BUB1B: variants seen among roughly 807,000 people sequenced by gnomAD.
The protein encoded by BUB1B is mitotic checkpoint serine/threonine-protein kinase BUB1 beta.
In BUB1B, 86 loss-of-function variants were observed where a neutral mutation model predicts 137.7. The observed-to-expected ratio is 0.62, with a 90% CI of 0.52 to 0.75. The LOEUF (loss-of-function observed/expected upper bound fraction) is 0.75. Among genes scored for constraint, BUB1B ranks in the 30% least tolerant of loss-of-function variants. BUB1B has a pLI of 0.00. For synonymous variants in BUB1B, 420 were observed against 417.9 expected, an observed-to-expected ratio of 1.00 and a Z score of -0.06; for missense variants, 1,130 against 1,236.9, an observed-to-expected ratio of 0.91 and a Z score of 1.30.
chr15:40,204,439 C>T (rs1891181189), intron 14 of BUB1B, among the ~76,000 whole-genome samples: 1 of 90,166 alleles, frequency 1.1e-5, no homozygotes, highest in South Asian at 3.1e-4. Context: ...ACTTCATTTA[C>T]CTTTTTTTTT....
chr15:40,204,072 G>T (rs1312838147), intron 14 of BUB1B, among the ~76,000 whole-genome samples: 1 of 152,104 alleles, frequency 6.6e-6, no homozygotes, highest in Non-Finnish European at 1.5e-5. Flanking sequence ...ACAGCTAGAT[G>T]AATTTTTCCA....
intron 22 of BUB1B, among the ~76,000 whole-genome samples, chr15:40,220,152 G>A (rs1005390515): frequency 9.2e-5 from 14 of 152,194 alleles, no homozygotes; most frequent in African/African-American, 1.2e-4. Flanking sequence ...GTTTAGTCAA[G>A]CTTACGATTA....
intron 1 of BUB1B, among the ~76,000 whole-genome samples, chr15:40,162,412 T>C (rs1405329064): frequency 6.6e-6 from 1 of 152,186 alleles, no homozygotes; most frequent in Non-Finnish European, 1.5e-5. Flanking sequence ...ATAATCTGAC[T>C]TGGGTTTAAA....
rs184432527 is a variant in BUB1B at position 40,164,466 on chromosome 15, A to T, written c.36-587A>T. ...TGGTGTTGAACTCCTGGGCTCAAGCACTTCTCCTGACTCAGCCTCCCAAAG... is the reference window on the plus strand; with the variant it reads ...TGGTGTTGAACTCCTGGGCTCAAGCTCTTCTCCTGACTCAGCCTCCCAAAG... On this transcript the variant is annotated intron_variant, in intron 1 of 22. Transcript: ENST00000287598. 1.1e-4 allele frequency among the ~76,000 whole-genome samples: 16 copies of T among 152,048 alleles called. No homozygotes were observed. In the East Asian group the frequency reaches 2.9e-3, roughly 28 times the overall value.
At chr15:40,198,108 CTG>C (rs1477215229) in intron 9 of BUB1B, among the ~76,000 whole-genome samples, 4 of 151,986 alleles carry the variant, frequency 2.6e-5, no homozygotes, top group African/African-American at 7.3e-5. Context: ...ATTCTCATCT[CTG>C]TGGGAAAAAG....
chr15:40,191,241 T>C (rs2037433542), intron 8 of BUB1B, among the ~76,000 whole-genome samples: 1 of 152,224 alleles, frequency 6.6e-6, no homozygotes, highest in Non-Finnish European at 1.5e-5. Context: ...TTTCACTTAA[T>C]ATTTTTGGAC....
chr15:40,212,721 A>T, intron 19 of BUB1B, 73 bp downstream of exon 19: 2 of 1,383,706 alleles, frequency 1.4e-6, no homozygotes, highest in Non-Finnish European at 2.0e-6. Flanking sequence ...AAAGGAATTT[A>T]GTACAAAATT....
chr15:40,214,507 G>T lies in BUB1B; in HGVS notation c.2678+1033G>T, dbSNP rs2037750723. ...CCCAACCCTGTGTCTTGGGTGAGGTGTTAACTTTGTTTCTGAGGCCACTGG... is the reference window on the plus strand; with the variant it reads ...CCCAACCCTGTGTCTTGGGTGAGGTTTTAACTTTGTTTCTGAGGCCACTGG... On this transcript the variant is annotated intron_variant, in intron 20 of 22. Transcript: ENST00000287598. 2.6e-5 allele frequency among the ~76,000 whole-genome samples: 4 copies of T among 152,126 alleles called. No homozygotes were observed. In the South Asian group the frequency reaches 8.3e-4, roughly 32 times the overall value.
chr15:40,212,018 G>T (rs2037719338), intron 18 of BUB1B, among the ~76,000 whole-genome samples: 1 of 152,174 alleles, frequency 6.6e-6, no homozygotes, highest in Non-Finnish European at 1.5e-5. Flanking sequence ...CAGAGACGGG[G>T]TTTCACCCCT....
At chr15:40,170,510 T>A in intron 3 of BUB1B, 27 bp from the exon 4 acceptor site, 1 of 1,612,162 alleles carries the variant, frequency 6.2e-7, no homozygotes, top group Non-Finnish European at 8.5e-7. Context: ...ATTTAAAATG[T>A]GTTCTTATCT....
At chr15:40,216,565 ATATATATT>A (rs978457248) in intron 20 of BUB1B, among the ~76,000 whole-genome samples, 5 of 78,688 alleles carry the variant, frequency 6.4e-5, no homozygotes, top group African/African-American at 3.1e-4. Flanking sequence ...ATATATATAT[ATATATATT>A]TTTTTTTTTT....
At chr15:40,212,429 A>ATG (rs2037725050) in intron 18 of BUB1B, 70 bp from the exon 19 acceptor site, 1 of 1,167,282 alleles carries the variant, frequency 8.6e-7, no homozygotes, top group East Asian at 2.3e-5. Flanking sequence ...GCTGGAAGGA[A>ATG]TGTGTTTCAA....
At chr15:40,200,222 T>A in intron 10 of BUB1B, 22 bp from the exon 11 acceptor site, 1 of 1,553,280 alleles carries the variant, frequency 6.4e-7, no homozygotes, top group Non-Finnish European at 8.9e-7. Flanking sequence ...GGACATTGAT[T>A]TTGTTTATTT....
chr15:40,206,130 A>C (rs2037633157), intron 14 of BUB1B, 54 bp from the exon 15 acceptor site: 1 of 1,586,438 alleles, frequency 6.3e-7, no homozygotes, highest in Non-Finnish European at 8.6e-7. Flanking sequence ...TCAGTAAAAA[A>C]GTTCTTCATG....
At chr15:40,202,203 A>T (rs1277892500) in intron 12 of BUB1B, among the ~76,000 whole-genome samples, 3 of 152,192 alleles carry the variant, frequency 2.0e-5, no homozygotes, top group Non-Finnish European at 4.4e-5. Flanking sequence ...GTGGTAGAGA[A>T]TCTAAATGGA....
chr15:40,208,803 G>A (rs2037671366), intron 16 of BUB1B, 33 bp downstream of exon 16: 1 of 1,583,822 alleles, frequency 6.3e-7, no homozygotes. Flanking sequence ...TCCATGCCTA[G>A]TGAACACTTG....
intron 20 of BUB1B, among the ~76,000 whole-genome samples, chr15:40,214,588 A>C (rs1252729669): frequency 6.6e-6 from 1 of 152,194 alleles, no homozygotes; most frequent in Non-Finnish European, 1.5e-5. Context: ...TTAATCTATC[A>C]GAAGAGATTG....
intron 20 of BUB1B, among the ~76,000 whole-genome samples, chr15:40,216,562 TATA>T (rs1395928562): frequency 2.1e-4 from 17 of 79,164 alleles, no homozygotes; most frequent in East Asian, 1.8e-3. Flanking sequence ...TATATATATA[TATA>T]TATATATTTT....
At chr15:40,201,873 G>A (rs181449698) in intron 12 of BUB1B, among the ~76,000 whole-genome samples, 7 of 152,026 alleles carry the variant, frequency 4.6e-5, no homozygotes, top group African/African-American at 1.7e-4. Context: ...GTTTCATCAT[G>A]TTAGCCAGGA....
Sources: gnomAD v4.1 joint callset for allele counts (sites outside exome capture counted in the v4.1 genomes callset) on GRCh38, gnomAD v4.1.1 for gene constraint, MANE v1.5 for transcripts, NCBI Gene and HGNC (gene_info 2026-07-23, HGNC 2026-07-21) for gene names.